Variants in CEP112 observed in about 807,000 individuals in gnomAD.
CEP112 encodes the protein centrosomal protein of 112 kDa.
In CEP112, 127 loss-of-function variants were observed where a neutral mutation model predicts 153.0. The ratio of observed to expected loss-of-function variants is 0.83; its 90% CI spans 0.72 to 0.96. The LOEUF (loss-of-function observed/expected upper bound fraction) is 0.96. CEP112 is among the 40% of genes least tolerant of loss of function. CEP112 has a pLI of 0.00. For missense variants in CEP112, 1,089 were observed against 1,101.2 expected (o/e 0.99, Z 0.16); for synonymous variants, 358 against 374.4 (o/e 0.96, Z 0.51).
intron 20 of CEP112, among the ~76,000 whole-genome samples, chr17:65,856,152 T>C (rs1275625868): frequency 2.6e-5 from 4 of 152,028 alleles, no homozygotes; most frequent in Non-Finnish European, 5.9e-5. Context: ...GAAGCTGCAA[T>C]TAATGTCATA....
intron 20 of CEP112, among the ~76,000 whole-genome samples, chr17:65,881,081 G>C (rs2059050803): frequency 6.6e-6 from 1 of 152,130 alleles, no homozygotes; most frequent in African/African-American, 2.4e-5. Context: ...CAGGCATGCT[G>C]GCATGCGCTT....
At chr17:66,165,243 G>A (rs2071902052) in intron 4 of CEP112, among the ~76,000 whole-genome samples, 1 of 151,100 alleles carries the variant, frequency 6.6e-6, no homozygotes, top group South Asian at 2.1e-4. Flanking sequence ...CAACACAGTA[G>A]CCCCTAATCA....
chr17:66,140,420 C>A lies in CEP112; in HGVS notation c.471-7657G>T, dbSNP rs573603485. Among the ~76,000 whole-genome samples the A allele has an allele frequency of 1.5e-4, 23 of 152,128 alleles. No individual in the cohort carries two copies. In the East Asian group the frequency reaches 4.2e-3, roughly 28 times the overall value. ...CTATTAAATAGTACAGCAGTCCTAGCCAGAGTAGTCAGGCAAGAGAAAGGC... is the reference window on the plus strand; with the variant it reads ...CTATTAAATAGTACAGCAGTCCTAGACAGAGTAGTCAGGCAAGAGAAAGGC... On this transcript the variant is annotated intron_variant, in intron 4 of 26. Transcript: ENST00000535342.
chr17:66,054,882 A>C (rs1364269751), intron 11 of CEP112, among the ~76,000 whole-genome samples: 1 of 152,058 alleles, frequency 6.6e-6, no homozygotes, highest in Non-Finnish European at 1.5e-5. Flanking sequence ...TCAGCCTCCC[A>C]AGTAGCTGGG....
chr17:65,892,525 T>C (rs2059504686), intron 20 of CEP112, among the ~76,000 whole-genome samples: 1 of 152,172 alleles, frequency 6.6e-6, no homozygotes, highest in African/African-American at 2.4e-5. Flanking sequence ...ATGATGATTT[T>C]TTTTTTTTAT....
intron 4 of CEP112, among the ~76,000 whole-genome samples, chr17:66,161,426 C>A (rs2071700316): frequency 6.6e-6 from 1 of 152,066 alleles, no homozygotes; most frequent in South Asian, 2.1e-4. Context: ...AGAATTGGAA[C>A]CAACCCAAAT....
intron 6 of CEP112, among the ~76,000 whole-genome samples, chr17:66,111,899 A>G (rs537631306): frequency 6.6e-6 from 1 of 152,208 alleles, no homozygotes; most frequent in South Asian, 2.1e-4. Flanking sequence ...AACTTCTCCA[A>G]AAAATACATC....
At chr17:65,795,603 G>C (rs745744180) in intron 21 of CEP112, among the ~76,000 whole-genome samples, 2 of 152,136 alleles carry the variant, frequency 1.3e-5, no homozygotes, top group Non-Finnish European at 2.9e-5. Context: ...CTTGAGGTCA[G>C]GAGTTCAAGA....
At chr17:66,182,229 G>A (rs1412203914) in intron 2 of CEP112, 1 of 152,148 alleles carries the variant, frequency 6.6e-6, no homozygotes, top group African/African-American at 2.4e-5. Flanking sequence ...TGTTATAATT[G>A]TTCTATTTTA....
intron 8 of CEP112, among the ~76,000 whole-genome samples, chr17:66,087,004 T>C (rs9903521): frequency 0.16 from 24,652 of 152,116 alleles, 2,755 homozygotes; most frequent in African/African-American, 0.31. Flanking sequence ...TTCATCAAAA[T>C]AAGTCAGAAA....
intron 23 of CEP112, among the ~76,000 whole-genome samples, chr17:65,690,776 G>C (rs1013235020): frequency 6.6e-6 from 1 of 152,210 alleles, no homozygotes; most frequent in African/African-American, 2.4e-5. Flanking sequence ...GATCAAAGCA[G>C]CAGCAGTGAA....
At chr17:66,039,237 G>GACAAAA (rs2065872027) in intron 12 of CEP112, among the ~76,000 whole-genome samples, 1 of 152,004 alleles carries the variant, frequency 6.6e-6, no homozygotes, top group Non-Finnish European at 1.5e-5. Flanking sequence ...TCTTTTCATC[G>GACAAAA]TACAACATCT....
intron 18 of CEP112, among the ~76,000 whole-genome samples, chr17:65,931,220 T>C (rs1179131286): frequency 6.6e-6 from 1 of 152,214 alleles, no homozygotes; most frequent in Admixed American, 6.5e-5. Context: ...CTCCAGTCTA[T>C]CTCATAGAAA....
chr17:66,133,472 C>A (rs1401047301), intron 4 of CEP112, among the ~76,000 whole-genome samples: 2 of 152,082 alleles, frequency 1.3e-5, no homozygotes, highest in Non-Finnish European at 2.9e-5. Context: ...TAAAAACACA[C>A]CATGTTAATT....
intron 20 of CEP112, among the ~76,000 whole-genome samples, chr17:65,855,772 G>A (rs1331575334): frequency 6.6e-6 from 1 of 152,156 alleles, no homozygotes; most frequent in East Asian, 1.9e-4. Flanking sequence ...AATTTTTTAA[G>A]TGCGTAATAG....
chr17:65,970,028 C>T lies in CEP112; in HGVS notation c.1737-8430G>A, dbSNP rs2062607259. ...CACATGTGTATTGCGAACATGCACG[C>T]CACATGCATATTGCATGCATGCCAC... On this transcript the variant is annotated intron_variant, in intron 17 of 26. Coordinates refer to ENST00000535342, the MANE Select transcript of CEP112 (RefSeq NM_001199165.4). 3.3e-5 allele frequency among the ~76,000 whole-genome samples: 5 copies of T among 152,192 alleles called. No homozygotes were observed. The South Asian group carries it at 1.0e-3, about 32-fold the overall frequency.
rs149326626 is a variant in CEP112 at position 65,745,227 on chromosome 17, C to T, written c.2458-2010G>A. On this transcript the variant is annotated intron_variant, in intron 22 of 26. Coordinates refer to ENST00000535342, the MANE Select transcript of CEP112 (RefSeq NM_001199165.4). ...AAATATTTAGCCGATTGTGAAATGA[C>T]AAAATATATAATAACAACATGTCAA... Among the ~76,000 whole-genome samples the T allele has an allele frequency of 2.4e-3, 361 of 152,282 alleles. 4 individuals are homozygous for T. The East Asian group carries it at 0.024, about 10-fold the overall frequency.
intron 5 of CEP112, among the ~76,000 whole-genome samples, chr17:66,130,513 C>T (rs1324831821): frequency 6.6e-6 from 1 of 152,088 alleles, no homozygotes; most frequent in East Asian, 1.9e-4. Flanking sequence ...CAGTGGCTCA[C>T]ACCTGTAATC....
chr17:65,850,409 C>A (rs915987014), intron 21 of CEP112, among the ~76,000 whole-genome samples: 1 of 152,064 alleles, frequency 6.6e-6, no homozygotes, highest in Non-Finnish European at 1.5e-5. Flanking sequence ...CTTCCCACCC[C>A]CCAGCATATT....
Sources: allele counts gnomAD v4.1 joint callset (sites outside exome capture counted in the v4.1 genomes callset), GRCh38; gene constraint gnomAD v4.1.1; transcripts MANE v1.5; gene names NCBI Gene and HGNC (gene_info 2026-07-23, HGNC 2026-07-21).